Variants in GKAP1 observed in about 807,000 individuals in gnomAD.
The protein encoded by GKAP1 is G kinase-anchoring protein 1.
GKAP1 carries 31 observed loss-of-function variants against 56.7 expected under a neutral mutation model. The ratio of observed to expected loss-of-function variants is 0.55; its 90% CI spans 0.41 to 0.74. GKAP1 has a LOEUF of 0.74. Ranked by LOEUF, GKAP1 falls within the 30% of genes least tolerant of loss-of-function variation. The pLI is 0.00. For missense variants in GKAP1, 364 were observed against 402.3 expected (o/e 0.90, Z 0.82); for synonymous variants, 151 against 138.6 (o/e 1.09, Z -0.63).
At chr9:83,799,979 A>C (rs1393621331) in intron 3 of GKAP1, among the ~76,000 whole-genome samples, 2 of 152,172 alleles carry the variant, frequency 1.3e-5, no homozygotes, top group Non-Finnish European at 2.9e-5. Context: ...ATAAAAATAA[A>C]ATAAAATGCA....
chr9:83,804,404 T>C (rs1277562080), intron 3 of GKAP1, among the ~76,000 whole-genome samples: 14 of 76,980 alleles, frequency 1.8e-4, no homozygotes, highest in Admixed American at 3.0e-4. Flanking sequence ...GTGGGGGGGG[T>C]CAGCCCCCCG....
chr9:83,758,591 C>T (rs74349801), intron 8 of GKAP1, among the ~76,000 whole-genome samples: 15,625 of 151,728 alleles, frequency 0.1, 1,015 homozygotes, highest in Non-Finnish European at 0.14. Context: ...AAAAATAATA[C>T]ATAATAAATT....
intron 3 of GKAP1, among the ~76,000 whole-genome samples, chr9:83,801,045 A>T (rs985757798): frequency 2.0e-5 from 3 of 152,220 alleles, no homozygotes; most frequent in African/African-American, 7.2e-5. Context: ...CCTGAATGTG[A>T]CCTTATTTGG....
At chr9:83,746,485 G>A (rs540524858) in intron 10 of GKAP1, among the ~76,000 whole-genome samples, 25 of 152,120 alleles carry the variant, frequency 1.6e-4, no homozygotes, top group African/African-American at 5.3e-4. Flanking sequence ...GGTGGATCAC[G>A]AGGTCAGGAG....
intron 8 of GKAP1, among the ~76,000 whole-genome samples, chr9:83,758,403 AT>A (rs1174748070): frequency 6.6e-6 from 1 of 152,116 alleles, no homozygotes; most frequent in Non-Finnish European, 1.5e-5. Context: ...TAAAATACCT[AT>A]GCATCTAGGC....
In GKAP1 at chr9:83,778,161, C is replaced by G. The variant is rs1036141116; in HGVS notation, c.585+2221G>C. On this transcript the variant is annotated intron_variant, in intron 7 of 12. Transcript: ENST00000376371. ...TGGCGATTCCTCAAAGAACTAAAAA[C>G]AGAAATACCATTTGATCCAGCAATC... Among the ~76,000 whole-genome samples the G allele has an allele frequency of 2.6e-5, 4 of 152,226 alleles. 1 individual carries two copies. The Middle Eastern group carries it at 0.01, about 388-fold the overall frequency.
At chr9:83,803,864 C>CCGCCCATCGCG (rs1156836255) in intron 3 of GKAP1, among the ~76,000 whole-genome samples, 1 of 151,096 alleles carries the variant, frequency 6.6e-6, no homozygotes, top group Non-Finnish European at 1.5e-5. Context: ...TTCTGCCCGG[C>CCGCCCATCGCG]CGCCCATCGT....
chr9:83,766,871 A>G (rs1943672279), intron 8 of GKAP1, among the ~76,000 whole-genome samples: 1 of 33,126 alleles, frequency 3.0e-5, no homozygotes, highest in African/African-American at 6.4e-5. Context: ...CTGGAGAATT[A>G]AAACAGGCAA....
chr9:83,769,939 G>A (rs566509662), intron 7 of GKAP1, among the ~76,000 whole-genome samples: 16 of 152,254 alleles, frequency 1.1e-4, no homozygotes, highest in African/African-American at 3.9e-4. Context: ...GTTTTCAGTC[G>A]CATTTCCCTG....
At position 83,783,937 on chromosome 9, in the gene GKAP1, C is replaced by T. The variant is rs149905057; in HGVS notation, c.562+778G>A. Among the ~76,000 whole-genome samples the T allele has an allele frequency of 3.9e-3, 589 of 152,168 alleles. 9 individuals carry two copies. Among genetic ancestry groups the T allele is most frequent in the African/African-American group, 0.013 (554 of 41,504 alleles). On this transcript the variant is annotated intron_variant, in intron 6 of 12. Transcript: ENST00000376371. The stretch of plus-strand genomic sequence containing the variant: ...AACCCCAAATGGTTTTAGTTTATTT[C>T]CAAACAGTTTTGTCCCTTCCAAAAC...
At chr9:83,775,011 C>CTTT (rs76738284) in intron 7 of GKAP1, among the ~76,000 whole-genome samples, 3 of 145,288 alleles carry the variant, frequency 2.1e-5, no homozygotes, top group East Asian at 4.1e-4. Context: ...CCGGCCCCTT[C>CTTT]TTTTTTTTTT....
intron 5 of GKAP1, 40 bp downstream of exon 5, chr9:83,788,561 T>C: frequency 8.2e-7 from 1 of 1,224,074 alleles, no homozygotes; most frequent in Non-Finnish European, 1.2e-6. Context: ...TCTCACCACT[T>C]AAACTTCTAA....
intron 10 of GKAP1, among the ~76,000 whole-genome samples, chr9:83,743,088 G>C (rs1943235209): frequency 6.6e-6 from 1 of 152,076 alleles, no homozygotes; most frequent in African/African-American, 2.4e-5. Context: ...CCTTCAACTG[G>C]GGAGGTGGTG....
chr9:83,813,331 G>T lies in GKAP1; in HGVS notation c.-44+3665C>A, dbSNP rs140345578. ...GTTACTTAAATTAGTCTATGAATAT[G>T]GTGGCTAATACTGTATATTAAACAT... On this transcript the variant is annotated intron_variant, in intron 2 of 12. Transcript: ENST00000376371. Among the ~76,000 whole-genome samples the T allele has an allele frequency of 6.9e-3, 1,046 of 152,294 alleles. 16 individuals carry two copies. The highest frequency in any genetic ancestry group is 0.024 in the African/African-American group (1,001 of 41,558).
intron 3 of GKAP1, among the ~76,000 whole-genome samples, chr9:83,804,635 C>T (rs1346236709): frequency 7.0e-6 from 1 of 142,766 alleles, no homozygotes; most frequent in Non-Finnish European, 1.6e-5. Context: ...GGGGGTCAGC[C>T]CCCCGCCTGG....
At chr9:83,741,823 A>T in intron 12 of GKAP1, 129 bp downstream of exon 12, 1 of 613,446 alleles carries the variant, frequency 1.6e-6, no homozygotes, top group Non-Finnish European at 2.8e-6. Flanking sequence ...TATGACCGAT[A>T]ATAAAATTAT....
chr9:83,806,606 A>G, intron 2 of GKAP1, 46 bp from the exon 3 acceptor site: 1 of 1,054,970 alleles, frequency 9.5e-7, no homozygotes. Flanking sequence ...CAAACAGAGT[A>G]AAATCTGTTG....
In GKAP1 at chr9:83,817,733, C is replaced by G. The variant is rs1944647942; in HGVS notation, c.-392G>C. The G allele has an allele frequency of 6.6e-6, 1 of 151,954 alleles. No homozygotes were observed. The highest frequency in any genetic ancestry group is 1.5e-5 in the Non-Finnish European group (1 of 68,298). 9.4% of individuals were successfully genotyped at this position (151,954 alleles called of 1,614,324 possible). A position where few individuals can be genotyped will look rare whatever the true frequency, so the allele number is the denominator to read the frequency against. On this transcript the variant is annotated 5_prime_UTR_variant, in exon 1 of 13. Transcript: ENST00000376371. ...CGCCGGGGCGGACCGCGGAGGTGAG[C>G]GCGGCTGCAGGCTGCGGTGAGGGGC...
chr9:83,802,162 G>C (rs936123924), intron 3 of GKAP1, among the ~76,000 whole-genome samples: 1 of 152,252 alleles, frequency 6.6e-6, no homozygotes, highest in East Asian at 1.9e-4. Flanking sequence ...GGAAAAAAGG[G>C]CCTTCCATAC....
Sources: allele counts gnomAD v4.1 joint callset (sites outside exome capture counted in the v4.1 genomes callset), GRCh38; gene constraint gnomAD v4.1.1; transcripts MANE v1.5; gene names NCBI Gene and HGNC (gene_info 2026-07-23, HGNC 2026-07-21).